The following SYK variants were observed in gnomAD, a reference collection of about 807,000 sequenced individuals.
The protein encoded by SYK is spleen associated tyrosine kinase.
Under a neutral mutation model 77.8 loss-of-function variants are expected in SYK, and 16 were observed. The ratio of observed to expected loss-of-function variants is 0.21; its 90% CI spans 0.14 to 0.31. The LOEUF (loss-of-function observed/expected upper bound fraction) is 0.31, where lower values mean the gene tolerates loss of function less well. Ranked by LOEUF, SYK falls within the 10% of genes least tolerant of loss-of-function variation. The probability of loss-of-function intolerance (pLI) is 1.00; values close to 1 mark genes in which losing one functional copy is unlikely to be tolerated. For synonymous variants in SYK, 312 were observed against 308.7 expected (o/e 1.01, Z -0.11); for missense variants, 529 against 814.4 (o/e 0.65, Z 4.26).
intron 11 of SYK, among the ~76,000 whole-genome samples, chr9:90,882,099 A>AAGTATAC (rs1248406593): frequency 6.6e-6 from 1 of 152,250 alleles, no homozygotes; most frequent in Non-Finnish European, 1.5e-5. Flanking sequence ...GACCAGAAAA[A>AAGTATAC]AGTATACACT....
At chr9:90,881,327 C>T (rs955496413) in intron 11 of SYK, among the ~76,000 whole-genome samples, 2 of 151,964 alleles carry the variant, frequency 1.3e-5, no homozygotes, top group Non-Finnish European at 1.5e-5. Flanking sequence ...ACAAAACTAC[C>T]GAAAAGATAG....
intron 3 of SYK, among the ~76,000 whole-genome samples, chr9:90,846,879 C>A (rs909127509): frequency 6.6e-6 from 1 of 152,178 alleles, no homozygotes; most frequent in African/African-American, 2.4e-5. Context: ...GGCTTCTTAC[C>A]ATCTCAGCAA....
At chr9:90,870,723 G>A (rs1402257827) in intron 7 of SYK, among the ~76,000 whole-genome samples, 1 of 152,172 alleles carries the variant, frequency 6.6e-6, no homozygotes, top group African/African-American at 2.4e-5. Context: ...GGGGTCTACT[G>A]AACCAGGGTA....
chr9:90,833,294 C>G (rs1322595786), intron 1 of SYK, among the ~76,000 whole-genome samples: 2 of 152,202 alleles, frequency 1.3e-5, no homozygotes, highest in South Asian at 4.1e-4. Context: ...AAGACCCATA[C>G]TTAAAGTAGC....
intron 11 of SYK, among the ~76,000 whole-genome samples, chr9:90,884,506 T>C (rs111216853): frequency 7.7e-5 from 2 of 25,908 alleles, no homozygotes; most frequent in African/African-American, 2.0e-4. Context: ...TGTGTACATG[T>C]ACATACATAC....
intron 1 of SYK, among the ~76,000 whole-genome samples, chr9:90,810,364 G>A (rs570256392): frequency 6.6e-6 from 1 of 152,260 alleles, no homozygotes; most frequent in Non-Finnish European, 1.5e-5. Context: ...TTTCATGTAA[G>A]GACACCAGTC....
At chr9:90,872,755 T>G (rs561606443) in intron 7 of SYK, among the ~76,000 whole-genome samples, 15 of 152,406 alleles carry the variant, frequency 9.8e-5, no homozygotes, top group African/African-American at 3.6e-4. Flanking sequence ...AGAAGTGATT[T>G]TCATTCATTC....
At chr9:90,845,323 G>A in intron 2 of SYK, 111 bp from the exon 3 acceptor site, 1 of 1,173,270 alleles carries the variant, frequency 8.5e-7, no homozygotes, top group South Asian at 1.6e-5. Flanking sequence ...GAGTGAATAA[G>A]TTTTGATCCT....
intron 3 of SYK, among the ~76,000 whole-genome samples, chr9:90,859,144 A>C (rs928019296): frequency 1.3e-5 from 2 of 152,192 alleles, no homozygotes; most frequent in Non-Finnish European, 2.9e-5. Flanking sequence ...AATGATTATC[A>C]AGCAAACACA....
chr9:90,843,319 T>A lies in SYK; in HGVS notation c.-41-539T>A, dbSNP rs141978607. On this transcript the variant is annotated intron_variant, in intron 1 of 13. Coordinates refer to ENST00000375754, the MANE Select transcript of SYK (RefSeq NM_003177.7). ...CGTGGCCTCACTTCACCTCTGGGGCTCAGCACCAGCGTGTGACTGACTGCT... is the reference window on the plus strand; with the variant it reads ...CGTGGCCTCACTTCACCTCTGGGGCACAGCACCAGCGTGTGACTGACTGCT... Among the ~76,000 whole-genome samples, 5 of 152,302 alleles carry A rather than the reference T, an allele frequency of 3.3e-5. 1 individual carries two copies. Among genetic ancestry groups the A allele is most frequent in the Non-Finnish European group, 7.4e-5 (5 of 68,022 alleles).
chr9:90,846,816 G>A lies in SYK; in HGVS notation c.578+1222G>A, dbSNP rs1254124121. Among the ~76,000 whole-genome samples, 4 of 152,242 alleles carry A rather than the reference G, an allele frequency of 2.6e-5. No homozygotes were observed. The East Asian group carries it at 5.8e-4, about 22-fold the overall frequency. On this transcript the variant is annotated intron_variant, in intron 3 of 13. Transcript: ENST00000375754. ...AGCCAGCAGCAGAATGCTGTGGGGA[G>A]GGAAGACATTGCCCCTCAGTGGAGG...
chr9:90,866,162 G>A (rs1209128221), intron 6 of SYK, among the ~76,000 whole-genome samples: 2 of 152,202 alleles, frequency 1.3e-5, no homozygotes, highest in East Asian at 3.8e-4. Context: ...GCCTCCCAAA[G>A]TGCTGGGATT....
intron 9 of SYK, 140 bp from the exon 10 acceptor site, chr9:90,877,431 G>C (rs990490973): frequency 8.2e-6 from 7 of 851,530 alleles, no homozygotes; most frequent in Non-Finnish European, 1.1e-5. Flanking sequence ...TCCATTACAG[G>C]CTTCTGAAGA....
At chr9:90,825,521 T>A (rs1356970506) in intron 1 of SYK, among the ~76,000 whole-genome samples, 1 of 152,216 alleles carries the variant, frequency 6.6e-6, no homozygotes, top group Admixed American at 6.5e-5. Context: ...CAGACATTCA[T>A]CAAAAATTCA....
rs984390452 is a variant in SYK at position 90,874,188 on chromosome 9, C to T, written c.916-16C>T. On this transcript the variant is annotated splice_polypyrimidine_tract_variant and intron_variant, in intron 7 of 13. Coordinates refer to ENST00000375754, the MANE Select transcript of SYK (RefSeq NM_003177.7). Reference sequence around the variant, plus strand: ...TGGATGAAGAAAAACAACCTGTTGTCCTTTATGTACTTTAGTCCTCCCCTG... The same window carrying T: ...TGGATGAAGAAAAACAACCTGTTGTTCTTTATGTACTTTAGTCCTCCCCTG... 1 of 1,608,146 alleles carries T rather than the reference C, an allele frequency of 6.2e-7. No individual in the cohort carries two copies. Among genetic ancestry groups the T allele is most frequent in the Non-Finnish European group, 8.5e-7 (1 of 1,174,672 alleles).
intron 13 of SYK, among the ~76,000 whole-genome samples, chr9:90,893,681 AC>A (rs1165146588): frequency 6.6e-6 from 1 of 152,226 alleles, no homozygotes; most frequent in African/African-American, 2.4e-5. Flanking sequence ...ATATAAAATC[AC>A]ACACTGGAAA....
chr9:90,829,057 G>A lies in SYK; in HGVS notation c.-41-14801G>A, dbSNP rs543207571. 3.8e-3 allele frequency among the ~76,000 whole-genome samples: 573 copies of A among 152,318 alleles called. 2 individuals are homozygous for A. Among genetic ancestry groups the A allele is most frequent in the Middle Eastern group, 0.01 (3 of 294 alleles). On this transcript the variant is annotated intron_variant, in intron 1 of 13. Coordinates refer to ENST00000375754, the MANE Select transcript of SYK (RefSeq NM_003177.7). ...TGTAATCCCAACACTTTGGGATGCC[G>A]AGGTGGGCGGATCATGAGGTCAGGA...
At chr9:90,858,827 G>A (rs1387761269) in intron 3 of SYK, among the ~76,000 whole-genome samples, 1 of 152,192 alleles carries the variant, frequency 6.6e-6, no homozygotes, top group African/African-American at 2.4e-5. Context: ...CTGCCACAGG[G>A]GGCTGCCCAG....
intron 10 of SYK, among the ~76,000 whole-genome samples, 188 bp from the exon 11 acceptor site, chr9:90,878,576 C>G (rs1398013477): frequency 6.6e-6 from 1 of 152,142 alleles, no homozygotes; most frequent in Non-Finnish European, 1.5e-5. Flanking sequence ...CCATTGAACA[C>G]CAGGAGAATA....
Sources: allele counts gnomAD v4.1 joint callset (sites outside exome capture counted in the v4.1 genomes callset), GRCh38; gene constraint gnomAD v4.1.1; transcripts MANE v1.5; gene names NCBI Gene and HGNC (gene_info 2026-07-23, HGNC 2026-07-21).